The following ARIH1 variants were observed in gnomAD, a reference collection of about 807,000 sequenced individuals.
ARIH1 encodes E3 ubiquitin-protein ligase ARIH1.
Under a neutral mutation model 85.0 loss-of-function variants are expected in ARIH1, and 8 were observed. The observed-to-expected ratio is 0.09, with a 90% CI of 0.06 to 0.17. ARIH1 has a LOEUF of 0.17. Among genes scored for constraint, ARIH1 ranks in the 10% least tolerant of loss-of-function variants. The pLI, the probability that ARIH1 is intolerant of heterozygous loss-of-function variation, is 1.00. For missense variants in ARIH1, 311 were observed against 718.1 expected, an observed-to-expected ratio of 0.43 and a Z score of 6.48; for synonymous variants, 238 against 253.6, an observed-to-expected ratio of 0.94 and a Z score of 0.59.
chr15:72,583,507 A>G lies in ARIH1; in HGVS notation c.*215A>G, dbSNP rs1464156944. 2 of 428,728 alleles carry G rather than the reference A, an allele frequency of 4.7e-6. No homozygotes were observed. Among genetic ancestry groups the G allele is most frequent in the Admixed American group, 3.8e-5 (1 of 26,484 alleles). The allele number at this position is 428,728 out of a possible 1,614,324, so 26.6% of individuals were successfully genotyped here. On this transcript the variant is annotated 3_prime_UTR_variant, in exon 14 of 14. Transcript: ENST00000379887. ...TACAACAGTATTCTAGGCCACCAAC[A>G]AAAGTGTGACAGACACACTAAAAGC...
Position 72,544,952 on chromosome 15 carries a change from C to A in ARIH1, c.576C>A (p.Asn192Lys), listed in dbSNP as rs779405166. Residue 192 changes from asparagine (N) to lysine (K), a missense_variant, in exon 3 of 14, where the codon AAC becomes AAA. Physicochemically the swap from Asn to Lys is moderately conservative, Grantham distance 94. Transcript: ENST00000379887. ...TGCCTTGTCAGATCTGCTACTTGAA[C>A]TACCCTAACTCGGTGAGTATCTGGT... ...QDMPCQICYL[N>K]YPNSYFTGLE... The A allele has an allele frequency of 8.4e-5, 135 of 1,600,650 alleles. No homozygotes were observed. The highest frequency in any genetic ancestry group is 1.1e-4 in the Non-Finnish European group (132 of 1,170,598).
chr15:72,482,423 G>A (rs1400787638), intron 1 of ARIH1, among the ~76,000 whole-genome samples: 1 of 152,174 alleles, frequency 6.6e-6, no homozygotes, highest in Non-Finnish European at 1.5e-5. Context: ...GACCTCTGTA[G>A]GTGTTGTCAA....
intron 1 of ARIH1, among the ~76,000 whole-genome samples, chr15:72,484,685 ATATG>A (rs1164378934): frequency 6.6e-6 from 1 of 151,010 alleles, no homozygotes; most frequent in African/African-American, 2.4e-5. Context: ...ATATATACGT[ATATG>A]TATGCGTGTG....
chr15:72,515,137 A>T (rs2063969371), intron 1 of ARIH1, among the ~76,000 whole-genome samples: 1 of 152,086 alleles, frequency 6.6e-6, no homozygotes, highest in South Asian at 2.1e-4. Flanking sequence ...GGAGTTCGAG[A>T]CCTGCCTGAC....
intron 1 of ARIH1, among the ~76,000 whole-genome samples, chr15:72,483,054 G>A (rs1423184364): frequency 6.6e-6 from 1 of 151,618 alleles, no homozygotes; most frequent in Non-Finnish European, 1.5e-5. Context: ...GTATTTTTTT[G>A]TTTTGCCATG....
At chr15:72,522,892 T>C (rs1178173577) in intron 2 of ARIH1, among the ~76,000 whole-genome samples, 2 of 152,198 alleles carry the variant, frequency 1.3e-5, no homozygotes, top group Non-Finnish European at 1.5e-5. Context: ...AATGAAAAGA[T>C]GCTCCATGTC....
chr15:72,534,905 A>T (rs1342636558), intron 2 of ARIH1, among the ~76,000 whole-genome samples: 1 of 151,178 alleles, frequency 6.6e-6, no homozygotes, highest in Non-Finnish European at 1.5e-5. Context: ...GCCATCACGT[A>T]CAATTCTGTG....
intron 11 of ARIH1, among the ~76,000 whole-genome samples, chr15:72,575,350 G>A (rs897740641): frequency 9.9e-5 from 15 of 152,190 alleles, no homozygotes; most frequent in Admixed American, 2.6e-4. Context: ...ATGCTGAGGC[G>A]AGAGGATTGA....
rs1331715753 is a variant in ARIH1, at chr15:72,588,019, T to TA, written c.*4730dup. 1.3e-5 allele frequency: 2 copies of TA among 152,202 alleles called. No homozygotes were observed. Among genetic ancestry groups the TA allele is most frequent in the Non-Finnish European group, 2.9e-5 (2 of 68,036 alleles). 9.4% of individuals were successfully genotyped at this position (152,202 alleles called of 1,614,324 possible). On this transcript the variant is annotated 3_prime_UTR_variant, in exon 14 of 14. Coordinates refer to ENST00000379887, the MANE Select transcript of ARIH1 (RefSeq NM_005744.5). The stretch of plus-strand genomic sequence containing the variant: ...GACTATTTTCAGGGTAGGAGCCAGT[T>TA]AAAGTTTGTATATCAGTCACACATT...
chr15:72,560,529 T>C (rs932359522), intron 5 of ARIH1, among the ~76,000 whole-genome samples: 1 of 152,222 alleles, frequency 6.6e-6, no homozygotes, highest in Non-Finnish European at 1.5e-5. Flanking sequence ...TAGTGAGTTG[T>C]GAGGCTGGCA....
At chr15:72,517,335 C>T (rs2063979612) in intron 1 of ARIH1, among the ~76,000 whole-genome samples, 1 of 152,128 alleles carries the variant, frequency 6.6e-6, no homozygotes, top group Non-Finnish European at 1.5e-5. Flanking sequence ...AACTCTGGGG[C>T]CTGAGATCCT....
rs2140449705 is a variant in ARIH1, at chr15:72,602,510, T to C, written c.*19218T>C. 6.6e-6 allele frequency: 1 copy of C among 152,386 alleles called. No homozygotes were observed. The highest frequency in any genetic ancestry group is 1.9e-4 in the East Asian group (1 of 5,194). 9.4% of individuals were successfully genotyped at this position (152,386 alleles called of 1,614,324 possible). A position where few individuals can be genotyped will look rare whatever the true frequency, so the allele number is the denominator to read the frequency against. ...TGCTACACTCTAAATTCCCAATTCA[T>C]ACTTAAGTCTCGCCCTTGCAATTTA... On this transcript the variant is annotated 3_prime_UTR_variant, in exon 14 of 14. Coordinates refer to ENST00000379887, the MANE Select transcript of ARIH1 (RefSeq NM_005744.5).
chr15:72,531,252 C>T (rs1026674445), intron 2 of ARIH1, among the ~76,000 whole-genome samples: 1 of 150,730 alleles, frequency 6.6e-6, no homozygotes, highest in African/African-American at 2.5e-5. Flanking sequence ...AAGAAATCCA[C>T]ATTTTTATTT....
intron 3 of ARIH1, among the ~76,000 whole-genome samples, chr15:72,554,953 A>T (rs2064168654): frequency 6.6e-6 from 1 of 152,064 alleles, no homozygotes; most frequent in Non-Finnish European, 1.5e-5. Context: ...GGGTTTTGCC[A>T]TGTTGCCCCG....
intron 1 of ARIH1, among the ~76,000 whole-genome samples, chr15:72,513,976 T>A (rs1455169109): frequency 6.7e-6 from 1 of 149,674 alleles, no homozygotes; most frequent in African/African-American, 2.5e-5. Context: ...CCTCAGCTAC[T>A]GGGACTAATA....
intron 5 of ARIH1, among the ~76,000 whole-genome samples, chr15:72,556,241 C>T (rs2064174076): frequency 6.6e-6 from 1 of 152,166 alleles, no homozygotes; most frequent in South Asian, 2.1e-4. Flanking sequence ...AGCATCTGTG[C>T]AAGGTAAACA....
rs2063788612 is a variant in ARIH1 at position 72,475,019 on chromosome 15, G to A, written c.375+5G>A. The A allele has an allele frequency of 6.4e-7, 1 of 1,552,726 alleles. No homozygotes were observed. Among genetic ancestry groups the A allele is most frequent in the African/African-American group, 1.4e-5 (1 of 73,332 alleles). ...GAGGTCAACGAGGTCATCCAGGTGA[G>A]GGTGGCCGCCGCGCCAGCTGGACCG... On this transcript the variant is annotated splice_donor_5th_base_variant and intron_variant, in intron 1 of 13. Transcript: ENST00000379887.
intron 4 of ARIH1, among the ~76,000 whole-genome samples, chr15:72,555,580 A>G (rs777172072): frequency 3.3e-5 from 5 of 152,244 alleles, no homozygotes; most frequent in Admixed American, 1.3e-4. Context: ...ATATTGGTAT[A>G]TGTTAACTTA....
At chr15:72,525,269 C>T (rs75252236) in intron 2 of ARIH1, among the ~76,000 whole-genome samples, 4,545 of 152,216 alleles carry the variant, frequency 0.03, 112 homozygotes, top group East Asian at 0.11. Flanking sequence ...ACATTTACAA[C>T]ATTAACAGAT....
Sources: gnomAD v4.1 joint callset for allele counts (sites outside exome capture counted in the v4.1 genomes callset) on GRCh38, gnomAD v4.1.1 for gene constraint, MANE v1.5 for transcripts, NCBI Gene and HGNC (gene_info 2026-07-23, HGNC 2026-07-21) for gene names.